CCDC85A: variants seen among roughly 807,000 people sequenced by gnomAD.
The protein encoded by CCDC85A is coiled-coil domain containing 85A.
CCDC85A carries 38 observed loss-of-function variants against 50.2 expected under a neutral mutation model. That is an observed-to-expected ratio of 0.76 (90% CI 0.58 to 0.99). CCDC85A has a LOEUF of 0.99. CCDC85A is among the 50% of genes least tolerant of loss of function. The pLI is 0.00. For synonymous variants in CCDC85A, 366 were observed against 301.4 expected (o/e 1.21, Z -2.22); for missense variants, 820 against 742.0 (o/e 1.11, Z -1.22).
chr2:56,381,940 A>G (rs1010745410), intron 5 of CCDC85A, among the ~76,000 whole-genome samples: 4 of 152,038 alleles, frequency 2.6e-5, no homozygotes, highest in Non-Finnish European at 5.9e-5. Context: ...AGATACTTTC[A>G]GAAAGCCAAA....
intron 2 of CCDC85A, among the ~76,000 whole-genome samples, chr2:56,253,457 C>T (rs748217460): frequency 3.9e-5 from 6 of 152,022 alleles, no homozygotes; most frequent in African/African-American, 1.4e-4. Flanking sequence ...GAGAAGGGCT[C>T]CTAGTACAGT....
At chr2:56,246,334 T>G (rs1174391745) in intron 2 of CCDC85A, among the ~76,000 whole-genome samples, 1 of 152,226 alleles carries the variant, frequency 6.6e-6, no homozygotes, top group East Asian at 1.9e-4. Flanking sequence ...GTGGATTGTC[T>G]TATTACATTC....
chr2:56,332,908 A>G (rs1230565719), intron 2 of CCDC85A, among the ~76,000 whole-genome samples: 1 of 152,210 alleles, frequency 6.6e-6, no homozygotes, highest in Non-Finnish European at 1.5e-5. Flanking sequence ...TGGCTGAAAT[A>G]ATGGAAAAGT....
chr2:56,358,969 T>TGTC (rs11430925), intron 3 of CCDC85A, among the ~76,000 whole-genome samples: 1 of 145,982 alleles, frequency 6.9e-6, no homozygotes, highest in African/African-American at 2.6e-5. Flanking sequence ...GTATTTTTTT[T>TGTC]TTTTTTTTTT....
intron 2 of CCDC85A, among the ~76,000 whole-genome samples, chr2:56,265,295 A>G (rs1319122021): frequency 2.0e-5 from 3 of 152,236 alleles, no homozygotes; most frequent in Non-Finnish European, 2.9e-5. Context: ...AATCTCTTCT[A>G]TGGAGAGTTC....
intron 2 of CCDC85A, among the ~76,000 whole-genome samples, chr2:56,336,719 A>T (rs1414425046): frequency 6.6e-6 from 1 of 152,208 alleles, no homozygotes; most frequent in African/African-American, 2.4e-5. Context: ...AGAGGGTTTC[A>T]TATTTTTATC....
chr2:56,312,537 A>G (rs980078460), intron 2 of CCDC85A, among the ~76,000 whole-genome samples: 3 of 152,048 alleles, frequency 2.0e-5, no homozygotes, highest in Admixed American at 6.6e-5. Context: ...TAACTTTACT[A>G]TTTTACATGA....
chr2:56,233,990 T>C (rs1432842474), intron 2 of CCDC85A, among the ~76,000 whole-genome samples: 4 of 152,214 alleles, frequency 2.6e-5, no homozygotes, highest in Non-Finnish European at 5.9e-5. Context: ...TCAAGCATAA[T>C]TTTCAAACTT....
intron 2 of CCDC85A, among the ~76,000 whole-genome samples, chr2:56,328,633 T>G (rs1255998823): frequency 6.6e-6 from 1 of 152,194 alleles, no homozygotes; most frequent in African/African-American, 2.4e-5. Context: ...AACTTTTGGT[T>G]TCAAACCCCA....
At chr2:56,227,604 A>G (rs1668597636) in intron 2 of CCDC85A, among the ~76,000 whole-genome samples, 3 of 152,176 alleles carry the variant, frequency 2.0e-5, no homozygotes, top group African/African-American at 7.2e-5. Flanking sequence ...GTGGAGCAAT[A>G]TTCTTTTACT....
At position 56,317,023 on chromosome 2, in the gene CCDC85A, C is replaced by A. The variant is rs766041477; in HGVS notation, c.1241-25856C>A. Among the ~76,000 whole-genome samples, 170 of 152,002 alleles carry A rather than the reference C, an allele frequency of 1.1e-3. 1 individual carries two copies. Among genetic ancestry groups the A allele is most frequent in the Non-Finnish European group, 1.9e-3 (129 of 67,994 alleles). ...TAAAGTGGACTTTCTATTCAGACGG[C>A]AAATTTTAGCTTCAAATATTGGGAA... On this transcript the variant is annotated intron_variant, in intron 2 of 5. Coordinates refer to ENST00000407595, the MANE Select transcript of CCDC85A (RefSeq NM_001080433.2).
chr2:56,342,146 G>A (rs1674403857), intron 2 of CCDC85A, among the ~76,000 whole-genome samples: 1 of 151,532 alleles, frequency 6.6e-6, no homozygotes, highest in African/African-American at 2.4e-5. Flanking sequence ...TCTGAGGCTG[G>A]TTGGTGTGCA....
At chr2:56,348,740 A>G (rs1674755607) in intron 3 of CCDC85A, among the ~76,000 whole-genome samples, 1 of 152,184 alleles carries the variant, frequency 6.6e-6, no homozygotes, top group Admixed American at 6.5e-5. Flanking sequence ...CACGGTGCTT[A>G]TGCAGAATTA....
chr2:56,328,698 C>T (rs1170713168), intron 2 of CCDC85A, among the ~76,000 whole-genome samples: 3 of 152,142 alleles, frequency 2.0e-5, no homozygotes, highest in African/African-American at 4.8e-5. Context: ...AAAAATATAG[C>T]GATGATCTTT....
intron 2 of CCDC85A, among the ~76,000 whole-genome samples, chr2:56,328,709 G>T (rs958926748): frequency 1.3e-5 from 2 of 152,036 alleles, no homozygotes; most frequent in African/African-American, 4.8e-5. Context: ...GATGATCTTT[G>T]ATTTCTTTTT....
At chr2:56,274,553 A>G (rs214044) in intron 2 of CCDC85A, among the ~76,000 whole-genome samples, 60,916 of 152,032 alleles carry the variant, frequency 0.4, 12,468 homozygotes, top group East Asian at 0.69. Context: ...GATTGGATAA[A>G]GCCCACCCAC....
chr2:56,354,508 C>A (rs1675122903), intron 3 of CCDC85A, among the ~76,000 whole-genome samples: 1 of 152,218 alleles, frequency 6.6e-6, no homozygotes, highest in South Asian at 2.1e-4. Flanking sequence ...GAAATAGCCA[C>A]TAAGAAGTGG....
intron 2 of CCDC85A, among the ~76,000 whole-genome samples, chr2:56,275,747 A>G (rs533582189): frequency 4.6e-5 from 7 of 152,314 alleles, no homozygotes; most frequent in African/African-American, 1.7e-4. Context: ...GGTATTATTT[A>G]TCTTCATCAT....
At chr2:56,213,076 T>C (rs891526725) in intron 2 of CCDC85A, among the ~76,000 whole-genome samples, 2 of 152,010 alleles carry the variant, frequency 1.3e-5, no homozygotes, top group Non-Finnish European at 2.9e-5. Context: ...ATATGCAAGG[T>C]AATTATTATT....
Sources: gnomAD v4.1 joint callset for allele counts (sites outside exome capture counted in the v4.1 genomes callset) on GRCh38, gnomAD v4.1.1 for gene constraint, MANE v1.5 for transcripts, NCBI Gene and HGNC (gene_info 2026-07-23, HGNC 2026-07-21) for gene names.